The following AMZ2 variants were observed in gnomAD, a reference collection of about 807,000 sequenced individuals.
The protein encoded by AMZ2 is archaemetzincin-2.
AMZ2 carries 26 observed loss-of-function variants against 36.7 expected under a neutral mutation model. That is an observed-to-expected ratio of 0.71 (90% CI 0.52 to 0.98). AMZ2 has a LOEUF of 0.98. Among genes scored for constraint, AMZ2 ranks in the 50% least tolerant of loss-of-function variants. AMZ2 has a pLI of 0.00. For missense variants in AMZ2, 394 were observed against 430.5 expected (o/e 0.92, Z 0.75); for synonymous variants, 144 against 149.1 (o/e 0.97, Z 0.25).
chr17:68,240,165 C>CGTG (rs2073872420), intron 1 of AMZ2, among the ~76,000 whole-genome samples: 1 of 152,122 alleles, frequency 6.6e-6, no homozygotes, highest in Non-Finnish European at 1.5e-5. Flanking sequence ...AGTGGCCTCA[C>CGTG]ATGGCAGAAG....
At chr17:68,227,892 TCTC>T (rs1371970006) in intron 1 of AMZ2, among the ~76,000 whole-genome samples, 1 of 152,098 alleles carries the variant, frequency 6.6e-6, no homozygotes, top group Non-Finnish European at 1.5e-5. Context: ...TCCAGGATAA[TCTC>T]CTTCCATGTC....
At chr17:68,217,965 A>G (rs2073244208) in intron 1 of AMZ2, among the ~76,000 whole-genome samples, 1 of 151,998 alleles carries the variant, frequency 6.6e-6, no homozygotes. Context: ...GGCGCCCGCC[A>G]TCACGCCCAC....
At chr17:68,215,570 T>C (rs1395296969) in intron 1 of AMZ2, among the ~76,000 whole-genome samples, 1 of 135,440 alleles carries the variant, frequency 7.4e-6, no homozygotes, top group African/African-American at 2.7e-5. Context: ...AAAAAAAAAG[T>C]TTACTGCTGT....
chr17:68,253,590 T>G (rs60333987), intron 4 of AMZ2, among the ~76,000 whole-genome samples: 2,518 of 152,190 alleles, frequency 0.017, 62 homozygotes, highest in African/African-American at 0.058. Flanking sequence ...GGGACGAGGT[T>G]ATTCTGTCAA....
rs1194196796 is a variant in AMZ2 at position 68,208,149 on chromosome 17, T to A, written c.-67+1911T>A. On this transcript the variant is annotated intron_variant, in intron 1 of 7. Coordinates refer to the AMZ2 transcript ENST00000674770. ...AGCCTCCCTGACGAGCACCGCCCCC[T>A]GCCCCACGGCGCCCAGTCCCATCGA... 4.6e-5 allele frequency among the ~76,000 whole-genome samples: 7 copies of A among 152,234 alleles called. No individual in the cohort carries two copies. The East Asian group carries it at 1.4e-3, about 29-fold the overall frequency.
In AMZ2 at chr17:68,256,889, G is replaced by A. The variant is rs2074949420; in HGVS notation, c.1003G>A (p.Gly335Arg). The A allele has an allele frequency of 6.2e-7, 1 of 1,614,148 alleles. No homozygotes were observed. The highest frequency in any genetic ancestry group is 1.3e-5 in the African/African-American group (1 of 75,046). The change falls in exon 7 of 7, where the codon GGG (glycine) becomes AGG (arginine). Residue 335 changes from glycine to arginine, a missense_variant. By Grantham distance (125) the Gly-to-Arg change is moderately radical (BLOSUM62 -2). Transcript: ENST00000359904. ...ATPEHSHEDN[G>R]NLPKPVEAFK... ...TCCAGAACACAGTCACGAGGATAAT[G>A]GGAATTTACCGAAACCCGTGGAAGC...
chr17:68,253,635 A>G (rs782183701), intron 4 of AMZ2, among the ~76,000 whole-genome samples: 11 of 152,182 alleles, frequency 7.2e-5, no homozygotes, highest in Non-Finnish European at 1.6e-4. Context: ...TCAAGACATC[A>G]GGGGCAGTTG....
At chr17:68,228,776 C>T (rs1324457716) in intron 1 of AMZ2, among the ~76,000 whole-genome samples, 1 of 152,252 alleles carries the variant, frequency 6.6e-6, no homozygotes, top group Admixed American at 6.5e-5. Context: ...CCATATGCTG[C>T]CTTGGCCTGG....
intron 1 of AMZ2, among the ~76,000 whole-genome samples, chr17:68,215,699 T>C (rs9913740): frequency 0.1 from 12,344 of 118,590 alleles, 2,555 homozygotes; most frequent in African/African-American, 0.26. Flanking sequence ...AAGTGCCCTC[T>C]TGAAAGGAGC....
chr17:68,207,313 A>ACCGCCC (rs67047597), intron 1 of AMZ2: 1 of 110,654 alleles, frequency 9.0e-6, no homozygotes, highest in Non-Finnish European at 1.9e-5. Flanking sequence ...TTTGTTAAAT[A>ACCGCCC]CCCCCCCCCC....
At chr17:68,225,097 CAGG>C (rs2073481219) in intron 1 of AMZ2, among the ~76,000 whole-genome samples, 1 of 151,722 alleles carries the variant, frequency 6.6e-6, no homozygotes, top group African/African-American at 2.4e-5. Flanking sequence ...GAGGCTGAGG[CAGG>C]AGAATTGCTT....
chr17:68,217,772 G>C lies in AMZ2; in HGVS notation c.-67+11534G>C, dbSNP rs551945947. Among the ~76,000 whole-genome samples, 254 of 148,564 alleles carry C rather than the reference G, an allele frequency of 1.7e-3. 1 individual carries two copies. The highest frequency in any genetic ancestry group is 6.0e-3 in the African/African-American group (242 of 40,480). On this transcript the variant is annotated intron_variant, in intron 1 of 7. Coordinates refer to the AMZ2 transcript ENST00000674770. ...TTATTTAATAAGTGCTTAAAAATAT[G>C]TTATTTGTATAGGTTAGTGAAGCAT...
intron 1 of AMZ2, among the ~76,000 whole-genome samples, chr17:68,221,222 C>CA (rs71142150): frequency 0.066 from 5,594 of 84,984 alleles, 510 homozygotes; most frequent in East Asian, 0.12. Context: ...CCCCCCCGCC[C>CA]CCCCGGTAGC....
chr17:68,218,006 A>G (rs1189559724), intron 1 of AMZ2, among the ~76,000 whole-genome samples: 1 of 151,836 alleles, frequency 6.6e-6, no homozygotes, highest in South Asian at 2.1e-4. Flanking sequence ...TAGAGATGGG[A>G]TTTCACCATG....
intron 4 of AMZ2, 77 bp downstream of exon 4, chr17:68,251,255 T>G: frequency 6.7e-7 from 1 of 1,498,178 alleles, no homozygotes; most frequent in Non-Finnish European, 9.0e-7. Context: ...AGGGAAAAAA[T>G]TCCAACCAAG....
chr17:68,255,567 T>C, intron 5 of AMZ2, 133 bp from the exon 6 acceptor site: 2 of 903,840 alleles, frequency 2.2e-6, no homozygotes, highest in South Asian at 3.3e-5. Flanking sequence ...TTTGAAGGTC[T>C]GGACAGGGTG....
upstream of AMZ2, among the ~76,000 whole-genome samples, chr17:68,243,707 G>A (rs142716657): frequency 1.4e-3 from 215 of 152,182 alleles, 1 homozygote; most frequent in African/African-American, 4.7e-3. Context: ...TTTATACACC[G>A]TTCTGCCAGG....
At chr17:68,230,111 C>T (rs113826331) in intron 1 of AMZ2, among the ~76,000 whole-genome samples, 2,642 of 152,148 alleles carry the variant, frequency 0.017, 76 homozygotes, top group African/African-American at 0.059. Context: ...TCCCTCTTGT[C>T]GTCCAGGTTG....
intron 1 of AMZ2, among the ~76,000 whole-genome samples, chr17:68,218,872 G>A (rs148605372): frequency 0.011 from 1,617 of 152,218 alleles, 26 homozygotes; most frequent in African/African-American, 0.037. Flanking sequence ...AATAAATATT[G>A]AATCAGTTTC....
Sources: allele counts gnomAD v4.1 joint callset (sites outside exome capture counted in the v4.1 genomes callset), GRCh38; gene constraint gnomAD v4.1.1; transcripts MANE v1.5; gene names NCBI Gene and HGNC (gene_info 2026-07-23, HGNC 2026-07-21).